The following FANCB variants were observed in gnomAD, a reference collection of about 807,000 sequenced individuals.
The protein encoded by FANCB is Fanconi anemia group B protein.
Under a neutral mutation model 38.9 loss-of-function variants are expected in FANCB, and 5 were observed. The ratio of observed to expected loss-of-function variants is 0.13; its 90% CI spans 0.07 to 0.27. FANCB has a LOEUF of 0.27. Among genes scored for constraint, FANCB ranks in the 10% least tolerant of loss-of-function variants. FANCB has a pLI of 1.00. For missense variants in FANCB, 573 were observed against 602.7 expected, an observed-to-expected ratio of 0.95 and a Z score of 0.52; for synonymous variants, 236 against 215.4, an observed-to-expected ratio of 1.10 and a Z score of -0.84.
At chrX:14,732,872 C>CTTTAG in the FANCB span, among the ~76,000 whole-genome samples, 1 of 111,959 alleles carries the variant, frequency 8.9e-6, no homozygotes, top group African/African-American at 3.2e-5. Flanking sequence ...TGCAGGAGCT[C>CTTTAG]TTTAGTTTAA....
At chrX:14,724,988 T>C in the FANCB span, among the ~76,000 whole-genome samples, 1 of 111,676 alleles carries the variant, frequency 9.0e-6, no homozygotes, top group Non-Finnish European at 1.9e-5. Context: ...GGCAAAAACG[T>C]ACACAAATCA....
At chrX:14,725,940 TTAAC>T in the FANCB span, among the ~76,000 whole-genome samples, 4 of 112,638 alleles carry the variant, frequency 3.6e-5, no homozygotes, top group Middle Eastern at 4.6e-3. Context: ...CTGTGAGAAT[TTAAC>T]TAATCAGTGA....
At chrX:14,726,319 C>T in the FANCB span, among the ~76,000 whole-genome samples, 1 of 111,971 alleles carries the variant, frequency 8.9e-6, no homozygotes, top group East Asian at 2.8e-4. Flanking sequence ...AAACCATCTC[C>T]TTTGATGTGA....
chrX:14,837,886 A>T (rs753651940), intron 10 of FANCB, among the ~76,000 whole-genome samples: 4 of 111,913 alleles, frequency 3.6e-5, no homozygotes, highest in Admixed American at 1.9e-4. Context: ...CAGTTTCTTT[A>T]TCGATAAACA....
intron 3 of FANCB, chrX:14,862,388 T>C (rs1307973351): frequency 9.0e-6 from 1 of 111,059 alleles, no homozygotes; most frequent in Non-Finnish European, 1.9e-5. Context: ...AAGATAGTGG[T>C]CCATTGTAGA....
chrX:14,861,788 A>T (rs1019193516), intron 3 of FANCB, among the ~76,000 whole-genome samples: 2 of 112,482 alleles, frequency 1.8e-5, no homozygotes, highest in African/African-American at 6.5e-5. Flanking sequence ...AGTTTTTGGC[A>T]TAATTATTTC....
At chrX:14,728,846 G>A in the FANCB span, among the ~76,000 whole-genome samples, 1 of 112,271 alleles carries the variant, frequency 8.9e-6, no homozygotes, top group Non-Finnish European at 1.9e-5. Flanking sequence ...CTCTGAGCAC[G>A]TATACTATAA....
chrX:14,768,635 A>G, the FANCB span, among the ~76,000 whole-genome samples: 3 of 111,695 alleles, frequency 2.7e-5, no homozygotes, highest in Admixed American at 2.9e-4. Context: ...TTCTCTTCCT[A>G]TTTTAATATG....
intron 1 of FANCB, among the ~76,000 whole-genome samples, chrX:14,871,174 A>C (rs1051941920): frequency 9.0e-6 from 1 of 111,176 alleles, no homozygotes; most frequent in African/African-American, 3.3e-5. Flanking sequence ...GATTACGCTA[A>C]AGAAGATTTT....
rs6631226 is a variant in FANCB, at chrX:14,859,142, T to C, written c.1104+40A>G. On this transcript the variant is annotated intron_variant, in intron 4 of 9. Coordinates refer to ENST00000650831, the MANE Select transcript of FANCB (RefSeq NM_001018113.3). ...TTTTGAGCACTTAAATTTTCTAAAA[T>C]GGTTCTTAAAATACCATATAATAAG... is the stretch of plus-strand genomic sequence containing the variant. The C allele has an allele frequency of 5.2e-5, 51 of 985,430 alleles. No individual in the cohort carries two copies. The East Asian group carries it at 7.4e-4, about 14-fold the overall frequency. 81.2% of individuals were successfully genotyped at this position (985,430 alleles called of 1,213,427 possible).
chrX:14,814,163 C>A, the FANCB span, among the ~76,000 whole-genome samples: 15 of 111,356 alleles, frequency 1.3e-4, no homozygotes, highest in Non-Finnish European at 2.5e-4. Context: ...ACACCTTATA[C>A]AAAAATTAAT....
the FANCB span, among the ~76,000 whole-genome samples, chrX:14,749,037 A>G: frequency 1.8e-5 from 2 of 111,983 alleles, no homozygotes; most frequent in African/African-American, 6.5e-5. Context: ...TATGACAGAA[A>G]GAACAGTGAT....
chrX:14,787,528 A>G, the FANCB span, among the ~76,000 whole-genome samples: 4 of 110,834 alleles, frequency 3.6e-5, no homozygotes, highest in African/African-American at 1.3e-4. Context: ...AATTACTAGA[A>G]AAGAAGACTT....
At chrX:14,780,846 A>C in the FANCB span, among the ~76,000 whole-genome samples, 1 of 109,161 alleles carries the variant, frequency 9.2e-6, no homozygotes, top group Admixed American at 9.7e-5. Flanking sequence ...AAAATGTAAA[A>C]ACCATTGCTA....
chrX:14,864,935 A>G lies in FANCB; in HGVS notation c.576T>C (p.Ser192=). 1 of 1,210,713 alleles carries G rather than the reference A, an allele frequency of 8.3e-7. No homozygotes were observed. The highest frequency in any genetic ancestry group is 1.8e-5 in the South Asian group (1 of 56,993). Reference sequence around the variant, plus strand: ...AAGGCTCTTGAGTACATTCTTCCTCAGATAAACAACATTCCTTTAGTCCCA... The same window carrying G: ...AAGGCTCTTGAGTACATTCTTCCTCGGATAAACAACATTCCTTTAGTCCCA... ...VLLGLKECCL[S]EEECTQEPSK... The change falls in exon 3 of 10, where the codon TCT becomes TCC. Residue 192 remains serine, a synonymous_variant. Transcript: ENST00000650831.
chrX:14,782,536 G>C, the FANCB span, among the ~76,000 whole-genome samples: 3 of 111,902 alleles, frequency 2.7e-5, no homozygotes, highest in Non-Finnish European at 5.6e-5. Flanking sequence ...AATAATTTGT[G>C]ACCCAGTCAG....
At chrX:14,859,772 C>G (rs1391157173) in intron 3 of FANCB, among the ~76,000 whole-genome samples, 1 of 111,823 alleles carries the variant, frequency 8.9e-6, no homozygotes, top group Admixed American at 9.4e-5. Flanking sequence ...TATTTATGAT[C>G]AGACAAATTA....
the FANCB span, among the ~76,000 whole-genome samples, chrX:14,749,334 C>G: frequency 1.4e-3 from 157 of 111,101 alleles, no homozygotes; most frequent in Non-Finnish European, 2.2e-3. Context: ...AGTCTTGAAG[C>G]AGAAGGAAAG....
the FANCB span, among the ~76,000 whole-genome samples, chrX:14,723,158 G>A: frequency 8.0e-5 from 9 of 111,925 alleles, no homozygotes; most frequent in African/African-American, 2.9e-4. Context: ...CCTACCCCAT[G>A]TATCTATTCG....
Sources: allele counts gnomAD v4.1 joint callset (sites outside exome capture counted in the v4.1 genomes callset), GRCh38; gene constraint gnomAD v4.1.1; transcripts MANE v1.5; gene names NCBI Gene and HGNC (gene_info 2026-07-23, HGNC 2026-07-21).